Variants in LSAMP observed in about 807,000 individuals in gnomAD.
LSAMP encodes limbic system associated membrane protein.
In LSAMP, 7 loss-of-function variants were observed where a neutral mutation model predicts 38.6. The observed-to-expected ratio is 0.18, with a 90% CI of 0.10 to 0.34. LSAMP has a LOEUF of 0.34. Ranked by LOEUF, LSAMP falls within the 10% of genes least tolerant of loss-of-function variation. The pLI is 1.00. For missense variants in LSAMP, 313 were observed against 420.0 expected, an observed-to-expected ratio of 0.75 and a Z score of 2.23; for synonymous variants, 154 against 166.8, an observed-to-expected ratio of 0.92 and a Z score of 0.59.
chr3:116,182,617 C>A (rs1005861066), intron 1 of LSAMP, among the ~76,000 whole-genome samples: 1 of 151,556 alleles, frequency 6.6e-6, no homozygotes, highest in African/African-American at 2.4e-5. Context: ...AGAAGACTGT[C>A]TAGAGAAAAT....
At chr3:116,418,758 CAGAT>C (rs1377754324) in intron 1 of LSAMP, among the ~76,000 whole-genome samples, 2 of 152,142 alleles carry the variant, frequency 1.3e-5, no homozygotes, top group Non-Finnish European at 2.9e-5. Flanking sequence ...TTCATGTAGA[CAGAT>C]AGATAAATAG....
chr3:115,880,731 T>C (rs1455306037), intron 3 of LSAMP, among the ~76,000 whole-genome samples: 1 of 152,090 alleles, frequency 6.6e-6, no homozygotes, highest in Non-Finnish European at 1.5e-5. Context: ...AAATCTGCTA[T>C]ATTAAAATAA....
chr3:115,890,688 C>T (rs1416505168), intron 3 of LSAMP, among the ~76,000 whole-genome samples: 1 of 151,922 alleles, frequency 6.6e-6, no homozygotes, highest in Non-Finnish European at 1.5e-5. Context: ...GAAAATGACA[C>T]CTCAGTAAAA....
At chr3:116,012,925 A>G (rs1247742895) in intron 3 of LSAMP, among the ~76,000 whole-genome samples, 1 of 152,228 alleles carries the variant, frequency 6.6e-6, no homozygotes. Flanking sequence ...TTAAACATAG[A>G]CTACTTGGAA....
chr3:116,169,032 T>G (rs1710130070), intron 1 of LSAMP, among the ~76,000 whole-genome samples: 1 of 151,994 alleles, frequency 6.6e-6, no homozygotes, highest in Admixed American at 6.6e-5. Flanking sequence ...AAGACACGGT[T>G]TTCACAAAAA....
intron 1 of LSAMP, among the ~76,000 whole-genome samples, chr3:116,347,116 T>C (rs959362550): frequency 2.0e-5 from 3 of 152,212 alleles, no homozygotes; most frequent in African/African-American, 4.8e-5. Flanking sequence ...AAGTACATTT[T>C]CTAATCTTGC....
chr3:116,157,461 A>T (rs1262169958), intron 1 of LSAMP, among the ~76,000 whole-genome samples: 1 of 152,144 alleles, frequency 6.6e-6, no homozygotes, highest in African/African-American at 2.4e-5. Context: ...ATCCTTGCTA[A>T]TCAGTTCATC....
At chr3:116,026,931 A>G (rs1387186359) in intron 2 of LSAMP, among the ~76,000 whole-genome samples, 5 of 149,444 alleles carry the variant, frequency 3.3e-5, no homozygotes, top group Admixed American at 2.7e-4. Context: ...CGAGAAGAAC[A>G]TACTCAGCTG....
chr3:116,241,223 T>G (rs2046529057), intron 1 of LSAMP, among the ~76,000 whole-genome samples: 1 of 151,396 alleles, frequency 6.6e-6, no homozygotes. Flanking sequence ...TTTTTTCTCT[T>G]TTGCTTCCTG....
At chr3:116,266,192 A>C (rs2046889719) in intron 1 of LSAMP, among the ~76,000 whole-genome samples, 1 of 152,162 alleles carries the variant, frequency 6.6e-6, no homozygotes, top group African/African-American at 2.4e-5. Context: ...ACTGCAGAGA[A>C]ATACTACTTA....
intron 3 of LSAMP, among the ~76,000 whole-genome samples, chr3:115,981,724 C>T (rs550481849): frequency 6.6e-6 from 1 of 152,298 alleles, no homozygotes; most frequent in Non-Finnish European, 1.5e-5. Context: ...CTCTTGCAGA[C>T]CTGATTTCTG....
At position 116,196,488 on chromosome 3, in the gene LSAMP, A is replaced by G. The variant is rs529343293; in HGVS notation, c.156-109932T>C. 2.6e-5 allele frequency among the ~76,000 whole-genome samples: 4 copies of G among 152,344 alleles called. No homozygotes were observed. The South Asian group carries it at 6.2e-4, about 24-fold the overall frequency. Reference sequence around the variant, plus strand: ...TTGAGAATCCTATCTCAAGTAGATCATAACTAGTAATAGTATTGATTTTAT... The same window carrying G: ...TTGAGAATCCTATCTCAAGTAGATCGTAACTAGTAATAGTATTGATTTTAT... On this transcript the variant is annotated intron_variant, in intron 1 of 6. Transcript: ENST00000490035.
intron 3 of LSAMP, among the ~76,000 whole-genome samples, chr3:115,960,979 C>G (rs1938606872): frequency 6.6e-6 from 1 of 152,178 alleles, no homozygotes; most frequent in South Asian, 2.1e-4. Flanking sequence ...CCCCAGCATC[C>G]TCCCACACGC....
rs542096803 is a variant in LSAMP, at chr3:116,409,585, T to G, written c.155+35292A>C. 2.0e-5 allele frequency among the ~76,000 whole-genome samples: 3 copies of G among 152,154 alleles called. No individual in the cohort carries two copies. In the East Asian group the frequency reaches 5.8e-4, roughly 29 times the overall value. ...ACTGGAAGGGTGAGCCATAGATCCATCGTAATGCTGATGACATTGGCTAGC... is the reference window on the plus strand; with the variant it reads ...ACTGGAAGGGTGAGCCATAGATCCAGCGTAATGCTGATGACATTGGCTAGC... On this transcript the variant is annotated intron_variant, in intron 1 of 6. Transcript: ENST00000490035.
intron 3 of LSAMP, among the ~76,000 whole-genome samples, chr3:115,902,254 CACTG>C (rs1936894168): frequency 6.6e-6 from 1 of 151,882 alleles, no homozygotes; most frequent in African/African-American, 2.4e-5. Flanking sequence ...ATAATAAACT[CACTG>C]AAAGTAGGAA....
At chr3:116,408,018 G>A (rs1388252562) in intron 1 of LSAMP, among the ~76,000 whole-genome samples, 4 of 152,026 alleles carry the variant, frequency 2.6e-5, no homozygotes, top group African/African-American at 9.7e-5. Flanking sequence ...TAGGCTTGAG[G>A]TAATCATCAC....
intron 1 of LSAMP, among the ~76,000 whole-genome samples, chr3:116,285,846 G>A (rs956363383): frequency 6.6e-6 from 1 of 152,092 alleles, no homozygotes; most frequent in African/African-American, 2.4e-5. Context: ...AAGGGAAAAG[G>A]CCTGTGCATT....
In LSAMP at chr3:115,938,772, G is replaced by T. The variant is rs548652274; in HGVS notation, c.514+80743C>A. ...TCAGTATGTCAACAGTTGCAGTCAT[G>T]TTGTTGCATAAGGCCACTGAAACAA... On this transcript the variant is annotated intron_variant, in intron 3 of 6. Coordinates refer to ENST00000490035, the MANE Select transcript of LSAMP (RefSeq NM_002338.5). Among the ~76,000 whole-genome samples, 3 of 152,314 alleles carry T rather than the reference G, an allele frequency of 2.0e-5. No individual in the cohort carries two copies. In the South Asian group the frequency reaches 6.2e-4, roughly 32 times the overall value.
rs182958558 is a variant in LSAMP at position 116,037,678 on chromosome 3, C to T, written c.389-18038G>A. Among the ~76,000 whole-genome samples the T allele has an allele frequency of 3.8e-3, 582 of 152,132 alleles. 4 individuals are homozygous for T. Among genetic ancestry groups the T allele is most frequent in the African/African-American group, 0.013 (547 of 41,514 alleles). On this transcript the variant is annotated intron_variant, in intron 2 of 6. Coordinates refer to ENST00000490035, the MANE Select transcript of LSAMP (RefSeq NM_002338.5). ...AGCACAAAAGGAAGATAAAATTGAG[C>T]CAGAATTGTATGGTAACATTACTGA...
Sources: allele counts gnomAD v4.1 joint callset (sites outside exome capture counted in the v4.1 genomes callset), GRCh38; gene constraint gnomAD v4.1.1; transcripts MANE v1.5; gene names NCBI Gene and HGNC (gene_info 2026-07-23, HGNC 2026-07-21).